The following KLC2 variants were observed in gnomAD, a reference collection of about 807,000 sequenced individuals.
KLC2 encodes kinesin light chain 2, also known as KLC 2.
In KLC2, 35 loss-of-function variants were observed where a neutral mutation model predicts 75.1. The observed-to-expected ratio is 0.47, with a 90% CI of 0.36 to 0.62. The LOEUF (loss-of-function observed/expected upper bound fraction) is 0.62, where lower values mean the gene tolerates loss of function less well. Ranked by LOEUF, KLC2 falls within the 20% of genes least tolerant of loss-of-function variation. The pLI is 0.00. For missense variants in KLC2, 611 were observed against 833.2 expected (o/e 0.73, Z 3.28); for synonymous variants, 314 against 336.7 (o/e 0.93, Z 0.74).
chr11:66,265,779 G>A lies in KLC2; in HGVS notation c.1443+16G>A. ...CCGCAAGCAGGTGGGGCTCCATGCAGGAGGGGGTGGGCAGACACCTGTGTG... is the reference window on the plus strand; with the variant it reads ...CCGCAAGCAGGTGGGGCTCCATGCAAGAGGGGGTGGGCAGACACCTGTGTG... On this transcript the variant is annotated intron_variant, in intron 12 of 15. Coordinates refer to ENST00000394067, the MANE Select transcript of KLC2 (RefSeq NM_001318734.2). 1 of 1,611,454 alleles carries A rather than the reference G, an allele frequency of 6.2e-7. No individual in the cohort carries two copies. The highest frequency in any genetic ancestry group is 8.5e-7 in the Non-Finnish European group (1 of 1,178,364).
In KLC2 at chr11:66,267,593, C is replaced by G; in HGVS notation, c.*637C>G. On this transcript the variant is annotated 3_prime_UTR_variant, in exon 16 of 16. Coordinates refer to ENST00000394067, the MANE Select transcript of KLC2 (RefSeq NM_001318734.2). ...CCCGTGGCCCAGGACGGGGACCTCCCCTTAGTCCGTCCTCCCACCGCCGGG... is the reference window on the plus strand; with the variant it reads ...CCCGTGGCCCAGGACGGGGACCTCCGCTTAGTCCGTCCTCCCACCGCCGGG... 1.6e-6 allele frequency: 1 copy of G among 609,542 alleles called. No individual in the cohort carries two copies. Among genetic ancestry groups the G allele is most frequent in the Non-Finnish European group, 3.0e-6 (1 of 338,688 alleles). 37.8% of individuals were successfully genotyped at this position (609,542 alleles called of 1,614,324 possible).
intron 2 of KLC2, 105 bp downstream of exon 2, chr11:66,258,927 T>C: frequency 1.3e-6 from 1 of 784,532 alleles, no homozygotes; most frequent in Non-Finnish European, 2.0e-6. Flanking sequence ...ACCGTCTGTT[T>C]CCTGGAGCCC....
In KLC2 at chr11:66,267,359, G is replaced by A; in HGVS notation, c.*403G>A. 1 of 733,500 alleles carries A rather than the reference G, an allele frequency of 1.4e-6. No homozygotes were observed. The highest frequency in any genetic ancestry group is 1.5e-5 in the South Asian group (1 of 67,872). The allele number at this position is 733,500 out of a possible 1,614,324, so 45.4% of individuals were successfully genotyped here. A position where few individuals can be genotyped will look rare whatever the true frequency, so the allele number is the denominator to read the frequency against. On this transcript the variant is annotated 3_prime_UTR_variant, in exon 16 of 16. Coordinates refer to ENST00000394067, the MANE Select transcript of KLC2 (RefSeq NM_001318734.2). ...TCTGTATATAGAGAAATAAGTTATT[G>A]GCCGCGCGCCTCCCTTCAGTCCACG... is the stretch of plus-strand genomic sequence containing the variant.
At chr11:66,248,625 A>AT in the KLC2 span, among the ~76,000 whole-genome samples, 2 of 152,136 alleles carry the variant, frequency 1.3e-5, no homozygotes, top group African/African-American at 4.8e-5. Context: ...TCAAATAAAT[A>AT]AATAAATGTC....
the KLC2 span, among the ~76,000 whole-genome samples, chr11:66,249,265 A>G: frequency 6.6e-6 from 1 of 152,334 alleles, no homozygotes; most frequent in Middle Eastern, 3.4e-3. Context: ...TGCCGTCAAC[A>G]TGACATCATG....
chr11:66,254,030 C>T (rs1253851473), upstream of KLC2, among the ~76,000 whole-genome samples: 1 of 152,058 alleles, frequency 6.6e-6, no homozygotes, highest in African/African-American at 2.4e-5. Context: ...GCGAGTGGAT[C>T]ACCTGAGGTC....
Position 66,265,115 on chromosome 11 carries a change from G to A in KLC2, c.1266+43G>A, listed in dbSNP as rs754941349. ...GCTGGGCGGTTGTCAGGGGAGGCTG[G>A]GATGTGCAGAGGGGGGCCTGCTCTC... On this transcript the variant is annotated intron_variant, in intron 10 of 15. Coordinates refer to ENST00000394067, the MANE Select transcript of KLC2 (RefSeq NM_001318734.2). 1.9e-6 allele frequency: 3 copies of A among 1,609,784 alleles called. No homozygotes were observed. In the East Asian group the frequency reaches 6.7e-5, roughly 36 times the overall value.
the KLC2 span, among the ~76,000 whole-genome samples, chr11:66,251,994 G>A: frequency 3.3e-5 from 5 of 152,158 alleles, no homozygotes; most frequent in Admixed American, 1.3e-4. Flanking sequence ...CTCATCCCTC[G>A]CTGGGCTCAT....
chr11:66,257,367 G>A (rs1856081454), upstream of KLC2: 1 of 152,256 alleles, frequency 6.6e-6, no homozygotes, highest in Non-Finnish European at 1.5e-5. Context: ...GGGCACCAAA[G>A]CGCGCAACAC....
chr11:66,251,185 T>C, the KLC2 span, among the ~76,000 whole-genome samples: 3 of 152,196 alleles, frequency 2.0e-5, no homozygotes, highest in African/African-American at 4.8e-5. Context: ...TAGGTTTTGG[T>C]AGCTGGTTAG....
rs2134833449 is a variant in KLC2 at position 66,265,246 on chromosome 11, C to CGGGGG, written c.1334+15_1334+16insGGGGG. On this transcript the variant is annotated intron_variant, in intron 11 of 15. Coordinates refer to ENST00000394067, the MANE Select transcript of KLC2 (RefSeq NM_001318734.2). ...CTGTAAAGTAGACAGGTGAGTGGGG[C>CGGGGG]GGGGCTGGGCTGGGGAGCAGGGCAC... The CGGGGG allele has an allele frequency of 4.3e-6, 3 of 702,978 alleles. No individual in the cohort carries two copies. Among genetic ancestry groups the CGGGGG allele is most frequent in the Non-Finnish European group, 7.4e-6 (3 of 403,796 alleles). 43.5% of individuals were successfully genotyped at this position (702,978 alleles called of 1,614,324 possible).
At chr11:66,251,382 C>T in the KLC2 span, among the ~76,000 whole-genome samples, 1 of 134,562 alleles carries the variant, frequency 7.4e-6, no homozygotes, top group African/African-American at 2.6e-5. Flanking sequence ...ATCCCAGCTA[C>T]TTGGGAAGCT....
chr11:66,249,535 G>A, the KLC2 span, among the ~76,000 whole-genome samples: 1 of 152,180 alleles, frequency 6.6e-6, no homozygotes, highest in East Asian at 1.9e-4. Context: ...TTGCCTTTGA[G>A]CCAGGCTGCT....
the KLC2 span, among the ~76,000 whole-genome samples, chr11:66,245,532 A>T: frequency 1.3e-5 from 2 of 152,154 alleles, no homozygotes. Context: ...CCTGGCCAAC[A>T]TGGTGAAACC....
chr11:66,262,696 G>A (rs1032312500), intron 4 of KLC2, 118 bp from the exon 5 acceptor site: 63 of 715,750 alleles, frequency 8.8e-5, no homozygotes, highest in Non-Finnish European at 4.1e-5. Context: ...AACTGAGAAA[G>A]AGTGGTTAGT....
chr11:66,262,354 C>A (rs538714625), intron 4 of KLC2, 162 bp downstream of exon 4: 179 of 635,822 alleles, frequency 2.8e-4, no homozygotes, highest in Admixed American at 9.3e-4. Context: ...CTTCTCACAT[C>A]CCCCCAGCTC....
chr11:66,255,599 C>G (rs1001205236), upstream of KLC2, among the ~76,000 whole-genome samples: 1 of 152,104 alleles, frequency 6.6e-6, no homozygotes, highest in African/African-American at 2.4e-5. Flanking sequence ...AATTGACCAG[C>G]TGAAATGGAC....
At chr11:66,263,624 G>C (rs963493780) in intron 5 of KLC2, 36 bp from the exon 6 acceptor site, 1 of 1,469,224 alleles carries the variant, frequency 6.8e-7, no homozygotes, top group Non-Finnish European at 9.5e-7. Flanking sequence ...CCTTGAGCTG[G>C]AGGACAGCCC....
At position 66,266,502 on chromosome 11, in the gene KLC2, C is replaced by T. The variant is rs568786948; in HGVS notation, c.1785+12C>T. On this transcript the variant is annotated intron_variant, in intron 15 of 15. Coordinates refer to ENST00000394067, the MANE Select transcript of KLC2 (RefSeq NM_001318734.2). ...AAGAGCCGACCCAGGTAGGGGCAGGCGGGTGTCTGGGCACTGGGCAGCTGC... is the reference window on the plus strand; with the variant it reads ...AAGAGCCGACCCAGGTAGGGGCAGGTGGGTGTCTGGGCACTGGGCAGCTGC... The T allele has an allele frequency of 5.0e-6, 8 of 1,613,690 alleles. No individual in the cohort carries two copies. The highest frequency in any genetic ancestry group is 1.7e-5 in the Admixed American group (1 of 60,014).
Sources: gnomAD v4.1 joint callset for allele counts (sites outside exome capture counted in the v4.1 genomes callset) on GRCh38, gnomAD v4.1.1 for gene constraint, MANE v1.5 for transcripts, NCBI Gene and HGNC (gene_info 2026-07-23, HGNC 2026-07-21) for gene names.